ATP6V0A2: variants seen among roughly 807,000 people sequenced by gnomAD.
ATP6V0A2 encodes V-type proton ATPase 116 kDa subunit a 2.
In ATP6V0A2, 58 loss-of-function variants were observed where a neutral mutation model predicts 104.4. The ratio of observed to expected loss-of-function variants is 0.56; its 90% CI spans 0.45 to 0.69. The LOEUF (loss-of-function observed/expected upper bound fraction) is 0.69, where lower values mean the gene tolerates loss of function less well. Among genes scored for constraint, ATP6V0A2 ranks in the 30% least tolerant of loss-of-function variants. The pLI is 0.00. For missense variants in ATP6V0A2, 938 were observed against 1,062.9 expected (o/e 0.88, Z 1.63); for synonymous variants, 376 against 397.9 (o/e 0.95, Z 0.65).
At chr12:123,723,977 G>A (rs78856277) in intron 3 of ATP6V0A2, 3,087 of 152,234 alleles carry the variant, frequency 0.02, 46 homozygotes, top group African/African-American at 0.034. Context: ...GGTTAGAGAC[G>A]AGGGCCAGTC....
intron 9 of ATP6V0A2, among the ~76,000 whole-genome samples, chr12:123,739,332 T>C (rs1956586304): frequency 6.6e-6 from 1 of 152,230 alleles, no homozygotes; most frequent in Non-Finnish European, 1.5e-5. Context: ...TCATCTGTCC[T>C]GTCCTGTGTT....
At chr12:123,756,595 CT>C (rs1394083719) in intron 18 of ATP6V0A2, 6 of 578,126 alleles carry the variant, frequency 1.0e-5, no homozygotes, top group African/African-American at 9.3e-5. Flanking sequence ...GAGATGGCCT[CT>C]GATATTTTTG....
At chr12:123,717,241 G>T (rs1367255384) in intron 1 of ATP6V0A2, among the ~76,000 whole-genome samples, 1 of 149,478 alleles carries the variant, frequency 6.7e-6, no homozygotes, top group Non-Finnish European at 1.5e-5. Context: ...CTTGAACCTG[G>T]AAGGCGAAGG....
intron 4 of ATP6V0A2, among the ~76,000 whole-genome samples, chr12:123,725,703 T>C (rs2135888699): frequency 6.6e-6 from 1 of 152,068 alleles, no homozygotes; most frequent in South Asian, 2.1e-4. Flanking sequence ...AGAGGATCAT[T>C]TGAGCCCAGA....
chr12:123,748,603 C>T lies in ATP6V0A2; in HGVS notation c.1753C>T (p.Leu585=), dbSNP rs1328611729. Reference sequence around the variant, plus strand: ...CTTCAGGAAGAAGTTCAACATTTACCTGGTTTCCATCCCGGAACTTCTCTT... The same window carrying T: ...CTTCAGGAAGAAGTTCAACATTTACTTGGTTTCCATCCCGGAACTTCTCTT... ...LHFRKKFNIY[L]VSIPELLFML... The change falls in exon 15 of 20, where the codon CTG becomes TTG. Residue 585 remains leucine (L), a synonymous_variant. Coordinates refer to ENST00000330342, the MANE Select transcript of ATP6V0A2 (RefSeq NM_012463.4). 5.6e-6 allele frequency: 9 copies of T among 1,613,852 alleles called. No individual in the cohort carries two copies. The highest frequency in any genetic ancestry group is 2.2e-5 in the East Asian group (1 of 44,894).
At chr12:123,716,195 C>A (rs1826105434) in intron 1 of ATP6V0A2, among the ~76,000 whole-genome samples, 1 of 151,732 alleles carries the variant, frequency 6.6e-6, no homozygotes, top group Non-Finnish European at 1.5e-5. Context: ...GCCTCCTGAG[C>A]AGCTGAGATC....
intron 6 of ATP6V0A2, chr12:123,732,842 A>T (rs907068087): frequency 4.0e-5 from 6 of 149,356 alleles, no homozygotes; most frequent in African/African-American, 1.5e-4. Flanking sequence ...TTTGCTGTCA[A>T]GTTGAATATA....
In ATP6V0A2 at chr12:123,718,973, G is replaced by C. The variant is rs542711063; in HGVS notation, c.196+272G>C. On this transcript the variant is annotated intron_variant, in intron 2 of 19. Coordinates refer to ENST00000330342, the MANE Select transcript of ATP6V0A2 (RefSeq NM_012463.4). ...ACAGTGCTTACTATAACATCTTTTC[G>C]TGTCAGTAGACATAGATATTTACCC... 3.9e-5 allele frequency among the ~76,000 whole-genome samples: 6 copies of C among 152,002 alleles called. No homozygotes were observed. The East Asian group carries it at 5.8e-4, about 15-fold the overall frequency.
At chr12:123,756,307 CT>C (rs35956646) in intron 18 of ATP6V0A2, 65,478 of 115,592 alleles carry the variant, frequency 0.57, 17,025 homozygotes, top group East Asian at 0.89. Flanking sequence ...AAGAGGGTGT[CT>C]TTTTTTTTTT....
rs1199963336 is a variant in ATP6V0A2 at position 123,730,156 on chromosome 12, G to A, written c.648+2247G>A. On this transcript the variant is annotated intron_variant, in intron 6 of 19. Transcript: ENST00000330342. The stretch of plus-strand genomic sequence containing the variant: ...TGCAAGCTCCGCCTCCTGGGTTCAC[G>A]CCATTCTCCTGCCTCAGCCTCTCAA... Among the ~76,000 whole-genome samples, 9 of 147,220 alleles carry A rather than the reference G, an allele frequency of 6.1e-5. No individual in the cohort carries two copies. The East Asian group carries it at 8.1e-4, about 13-fold the overall frequency.
intron 1 of ATP6V0A2, among the ~76,000 whole-genome samples, chr12:123,718,026 G>C (rs989093934): frequency 1.3e-5 from 2 of 151,648 alleles, no homozygotes; most frequent in African/African-American, 4.8e-5. Context: ...TCGGGCTCAA[G>C]CAATTCTCGT....
Position 123,744,412 on chromosome 12 carries a change from A to G in ATP6V0A2, c.1326+75A>G. The G allele has an allele frequency of 6.3e-7, 1 of 1,598,288 alleles. No homozygotes were observed. The highest frequency in any genetic ancestry group is 8.6e-7 in the Non-Finnish European group (1 of 1,166,568). On this transcript the variant is annotated intron_variant, in intron 11 of 19. Coordinates refer to ENST00000330342, the MANE Select transcript of ATP6V0A2 (RefSeq NM_012463.4). This position sits in a 1 kb window ranked among gnomAD's most constrained non-coding sequence, Gnocchi z 5.4. Reference sequence around the variant, plus strand: ...AGTGACCGAAAGAGAGACACCTCTTAGATGTTTGCTGTAGGCTGCGGCTGT... The same window carrying G: ...AGTGACCGAAAGAGAGACACCTCTTGGATGTTTGCTGTAGGCTGCGGCTGT...
At chr12:123,722,245 C>G (rs1593888159) in intron 2 of ATP6V0A2, 106 bp from the exon 3 acceptor site, 2 of 829,926 alleles carry the variant, frequency 2.4e-6, no homozygotes, top group East Asian at 2.6e-5. Context: ...TGCATTTAGA[C>G]ATTGATTTTT....
chr12:123,713,566 C>T (rs919916744), intron 1 of ATP6V0A2, among the ~76,000 whole-genome samples: 3 of 152,066 alleles, frequency 2.0e-5, no homozygotes, highest in Admixed American at 1.3e-4. Flanking sequence ...TGTTCAGGCA[C>T]TGTTTTTGGT....
intron 2 of ATP6V0A2, among the ~76,000 whole-genome samples, chr12:123,719,155 G>A (rs1032769605): frequency 1.6e-4 from 24 of 152,164 alleles, no homozygotes; most frequent in African/African-American, 5.1e-4. Flanking sequence ...AAGGGAGGCG[G>A]GAAATGGAAG....
At chr12:123,721,222 A>G (rs755981115) in intron 2 of ATP6V0A2, 1 of 120,360 alleles carries the variant, frequency 8.3e-6, no homozygotes, top group Non-Finnish European at 1.8e-5. Context: ...GTTTTGTTTT[A>G]ATGACTGAAA....
At chr12:123,725,620 A>G (rs1426303508) in intron 4 of ATP6V0A2, among the ~76,000 whole-genome samples, 1 of 152,008 alleles carries the variant, frequency 6.6e-6, no homozygotes, top group African/African-American at 2.4e-5. Flanking sequence ...GACCTTGTCT[A>G]TACAAAAAAT....
chr12:123,751,873 T>G (rs1233461352), intron 16 of ATP6V0A2, among the ~76,000 whole-genome samples: 1 of 149,058 alleles, frequency 6.7e-6, no homozygotes, highest in African/African-American at 2.5e-5. Context: ...TTTTTTTTTT[T>G]TTTTGAGACT....
chr12:123,730,595 G>T (rs1956493008), intron 6 of ATP6V0A2: 1 of 152,114 alleles, frequency 6.6e-6, no homozygotes, highest in African/African-American at 2.4e-5. Flanking sequence ...TTATCCTTCA[G>T]TTGTGACCTT....
Sources: allele counts gnomAD v4.1 joint callset (sites outside exome capture counted in the v4.1 genomes callset), GRCh38; gene constraint gnomAD v4.1.1; non-coding constraint Gnocchi (gnomAD v3.1); transcripts MANE v1.5; gene names NCBI Gene and HGNC (gene_info 2026-07-23, HGNC 2026-07-21).